BTD: variants seen among roughly 807,000 people sequenced by gnomAD.
The protein encoded by BTD is biocytinase.
BTD carries 13 observed loss-of-function variants against 17.7 expected under a neutral mutation model. The ratio of observed to expected loss-of-function variants is 0.74; its 90% CI spans 0.48 to 1.17. The LOEUF (loss-of-function observed/expected upper bound fraction) is 1.17, where lower values mean the gene tolerates loss of function less well. Among genes scored for constraint, BTD ranks in the 50% most tolerant of loss-of-function variants. BTD has a pLI of 0.00. For synonymous variants in BTD, 240 were observed against 245.2 expected, an observed-to-expected ratio of 0.98 and a Z score of 0.20; for missense variants, 674 against 650.4, an observed-to-expected ratio of 1.04 and a Z score of -0.39.
chr3:15,711,121 C>T (rs2072214899), exon 4 of BTD: 4 of 1,131,548 alleles, frequency 3.5e-6, no homozygotes, highest in South Asian at 3.1e-5. Context: ...TTTCTGGCAG[C>T]CCAGAATTAA....
chr3:15,663,602 T>A (rs1191697565), intron 3 of BTD, among the ~76,000 whole-genome samples: 1 of 152,250 alleles, frequency 6.6e-6, no homozygotes, highest in Non-Finnish European at 1.5e-5. Flanking sequence ...TTTGTTGGCA[T>A]GAAGTTGTTC....
chr3:15,645,065 C>A lies in BTD; in HGVS notation c.1149C>A (p.Phe383Leu). ...TFHSEMMYDN[F>L]TLVPVWGKEG... ...ACTCTGAGATGATGTATGACAATTTCACCCTGGTCCCTGTCTGGGGAAAGG... is the reference window on the plus strand; with the variant it reads ...ACTCTGAGATGATGTATGACAATTTAACCCTGGTCCCTGTCTGGGGAAAGG... The change falls in exon 4 of 4, where the codon TTC (phenylalanine) becomes TTA (leucine). Residue 383 changes from phenylalanine (F) to leucine (L), a missense_variant. Physicochemically the swap from Phe to Leu is conservative, Grantham distance 22. Coordinates refer to ENST00000643237, the MANE Select transcript of BTD (RefSeq NM_001370658.1). 1.2e-6 allele frequency: 2 copies of A among 1,614,230 alleles called. No individual in the cohort carries two copies. The highest frequency in any genetic ancestry group is 1.7e-6 in the Non-Finnish European group (2 of 1,180,048).
At chr3:15,690,840 G>A (rs1575167630) in intron 3 of BTD, among the ~76,000 whole-genome samples, 2 of 152,228 alleles carry the variant, frequency 1.3e-5, no homozygotes, top group East Asian at 3.9e-4. Flanking sequence ...AAAGTGCTAG[G>A]AATACAGGCA....
chr3:15,623,987 C>T (rs1177401833), intron 1 of BTD, among the ~76,000 whole-genome samples: 1 of 152,218 alleles, frequency 6.6e-6, no homozygotes, highest in Non-Finnish European at 1.5e-5. Context: ...TACAGACGCA[C>T]AATGCTAGGC....
downstream of BTD, among the ~76,000 whole-genome samples, chr3:15,654,285 C>T (rs1316121731): frequency 1.3e-5 from 2 of 152,130 alleles, no homozygotes; most frequent in Non-Finnish European, 1.5e-5. Flanking sequence ...TCTGCAGGCT[C>T]TGCAGGCTGG....
intron 1 of BTD, among the ~76,000 whole-genome samples, chr3:15,611,417 C>T (rs2064624954): frequency 6.6e-6 from 1 of 152,150 alleles, no homozygotes; most frequent in Admixed American, 6.5e-5. Flanking sequence ...GTTTTATTAT[C>T]AGATTTTTAT....
intron 3 of BTD, among the ~76,000 whole-genome samples, chr3:15,663,959 T>C (rs2065951987): frequency 6.6e-6 from 1 of 152,218 alleles, no homozygotes; most frequent in African/African-American, 2.4e-5. Flanking sequence ...TGGAGTGCAA[T>C]GGCGCGATCT....
rs559136372 is a variant in BTD, at chr3:15,645,205, A to C, written c.1289A>C (p.His430Pro). ...LGVFDGLHTV[H>P]GTYYIQVCAL... ...GTCTTTGATGGGCTTCACACAGTAC[A>C]TGGCACTTACTACATCCAAGTGTGT... Residue 430 changes from histidine (H) to proline (P), a missense_variant, in exon 4 of 4, where the codon CAT becomes CCT. Transcript: ENST00000643237. 2 of 1,614,164 alleles carry C rather than the reference A, an allele frequency of 1.2e-6. No homozygotes were observed. The highest frequency in any genetic ancestry group is 1.3e-5 in the African/African-American group (1 of 75,028).
rs372603668 is a variant in BTD at position 15,642,167 on chromosome 3, C to T, written c.399+110C>T. 1.7e-4 allele frequency: 263 copies of T among 1,537,952 alleles called. 1 individual carries two copies. The South Asian group carries it at 3.0e-3, about 18-fold the overall frequency. ...AGATTGATAGGAGACCTTAACATCC[C>T]CAAAATCCAACCCAAACTCCCAAAG... On this transcript the variant is annotated intron_variant, in intron 3 of 3. Coordinates refer to ENST00000643237, the MANE Select transcript of BTD (RefSeq NM_001370658.1).
chr3:15,607,545 AT>A (rs1268987499), intron 1 of BTD, among the ~76,000 whole-genome samples: 1 of 152,246 alleles, frequency 6.6e-6, no homozygotes, highest in East Asian at 1.9e-4. Flanking sequence ...GGGATAGTGC[AT>A]TTTAATTTCC....
chr3:15,720,614 G>A (rs2073616700), intron 4 of BTD, among the ~76,000 whole-genome samples: 1 of 152,066 alleles, frequency 6.6e-6, no homozygotes, highest in African/African-American at 2.4e-5. Context: ...ATCACATAAC[G>A]TCCCTTCATG....
chr3:15,675,087 T>C (rs2066795413), intron 3 of BTD, among the ~76,000 whole-genome samples: 1 of 152,098 alleles, frequency 6.6e-6, no homozygotes, highest in Admixed American at 6.5e-5. Context: ...CTGGCCAATA[T>C]GGTGAAACTC....
At chr3:15,721,916 T>A (rs763997221) in exon 5 of BTD, among the ~76,000 whole-genome samples, 1 of 152,102 alleles carries the variant, frequency 6.6e-6, no homozygotes, top group Non-Finnish European at 1.5e-5. Context: ...TGGCTAATAT[T>A]TGTATTTTAG....
At chr3:15,631,054 A>G (rs1337852311) in intron 1 of BTD, among the ~76,000 whole-genome samples, 1 of 152,230 alleles carries the variant, frequency 6.6e-6, no homozygotes, top group East Asian at 1.9e-4. Context: ...GATAGACATT[A>G]TTTCTCCTGT....
chr3:15,680,677 AT>A (rs1052951928), intron 3 of BTD, among the ~76,000 whole-genome samples: 9 of 152,056 alleles, frequency 5.9e-5, no homozygotes, highest in Admixed American at 1.3e-4. Flanking sequence ...TATTAAAACA[AT>A]TTTTTGAGAC....
chr3:15,690,220 C>A, intron 3 of BTD: 1 of 1,569,984 alleles, frequency 6.4e-7, no homozygotes, highest in Non-Finnish European at 8.6e-7. Context: ...CCATGATAGG[C>A]CTAGAAATAA....
chr3:15,645,318 G>A lies in BTD; in HGVS notation c.1402G>A (p.Gly468Ser). 2.5e-6 allele frequency: 4 copies of A among 1,614,056 alleles called. No individual in the cohort carries two copies. The highest frequency in any genetic ancestry group is 2.2e-5 in the East Asian group (1 of 44,896). The change falls in exon 4 of 4, where the codon GGC (glycine) becomes AGC (serine). Residue 468 changes from glycine to serine, a missense_variant. Gly to Ser is a moderately conservative substitution (Grantham distance 56, BLOSUM62 0). Coordinates refer to ENST00000643237, the MANE Select transcript of BTD (RefSeq NM_001370658.1). Reference sequence around the variant, plus strand: ...GGGGATATTTGAGTTTCACCTGTGGGGCAACTTCAGTACTTCCTATATCTT... The same window carrying A: ...GGGGATATTTGAGTTTCACCTGTGGAGCAACTTCAGTACTTCCTATATCTT... ...ATGIFEFHLW[G>S]NFSTSYIFPL...
At chr3:15,610,956 A>G (rs2064605128) in intron 1 of BTD, among the ~76,000 whole-genome samples, 1 of 134,156 alleles carries the variant, frequency 7.5e-6, no homozygotes, top group Non-Finnish European at 1.6e-5. Flanking sequence ...TCAGATTTAG[A>G]AAAAAAAAAA....
intron 3 of BTD, among the ~76,000 whole-genome samples, chr3:15,688,272 C>T (rs2068379247): frequency 6.6e-6 from 1 of 152,110 alleles, no homozygotes. Context: ...TCACAGATCC[C>T]ATCCAGTGTA....
Sources: allele counts gnomAD v4.1 joint callset (sites outside exome capture counted in the v4.1 genomes callset), GRCh38; gene constraint gnomAD v4.1.1; transcripts MANE v1.5; gene names NCBI Gene and HGNC (gene_info 2026-07-23, HGNC 2026-07-21).